Variants in RABGAP1L observed in about 807,000 individuals in gnomAD.
The protein encoded by RABGAP1L is rab GTPase-activating protein 1-like.
RABGAP1L carries 63 observed loss-of-function variants against 137.7 expected under a neutral mutation model. The ratio of observed to expected loss-of-function variants is 0.46; its 90% CI spans 0.37 to 0.56. The LOEUF is 0.56. RABGAP1L is among the 20% of genes least tolerant of loss of function. The probability of loss-of-function intolerance (pLI) is 0.00; values close to 1 mark genes in which losing one functional copy is unlikely to be tolerated. For synonymous variants in RABGAP1L, 431 were observed against 433.7 expected, an observed-to-expected ratio of 0.99 and a Z score of 0.08; for missense variants, 1,095 against 1,244.0, an observed-to-expected ratio of 0.88 and a Z score of 1.80.
intron 15 of RABGAP1L, among the ~76,000 whole-genome samples, chr1:174,688,347 A>G (rs1481807750): frequency 1.3e-5 from 2 of 152,050 alleles, no homozygotes. Flanking sequence ...TCAGAAGTTT[A>G]TGTTCATTTT....
chr1:174,750,462 C>A lies in RABGAP1L; in HGVS notation c.2170-1851C>A, dbSNP rs114729664. Among the ~76,000 whole-genome samples the A allele has an allele frequency of 8.3e-3, 1,259 of 152,220 alleles. 19 individuals carry two copies. The highest frequency in any genetic ancestry group is 0.029 in the African/African-American group (1,208 of 41,524). Reference sequence around the variant, plus strand: ...TTCACAGGTATAATATTGGGCTAGTCACATTCATACTCTAAGAAATGAGAA... The same window carrying A: ...TTCACAGGTATAATATTGGGCTAGTAACATTCATACTCTAAGAAATGAGAA... On this transcript the variant is annotated intron_variant, in intron 17 of 25. Transcript: ENST00000681986.
At chr1:174,308,953 A>G (rs1678558711) in intron 11 of RABGAP1L, among the ~76,000 whole-genome samples, 1 of 151,736 alleles carries the variant, frequency 6.6e-6, no homozygotes, top group Admixed American at 6.6e-5. Flanking sequence ...TGATCTGTAG[A>G]TTTCTTTGAG....
At chr1:174,784,004 T>A (rs1388531404) in intron 18 of RABGAP1L, among the ~76,000 whole-genome samples, 2 of 141,854 alleles carry the variant, frequency 1.4e-5, no homozygotes, top group Admixed American at 1.5e-4. Context: ...TTTTTCTTCT[T>A]CTTCTTCTTT....
intron 23 of RABGAP1L, among the ~76,000 whole-genome samples, chr1:174,980,947 A>G (rs1171786889): frequency 2.0e-5 from 3 of 151,520 alleles, no homozygotes; most frequent in Non-Finnish European, 2.9e-5. Flanking sequence ...CTTGAAGGTG[A>G]TCTGAGATGC....
At chr1:174,353,088 T>G (rs1683333876) in intron 11 of RABGAP1L, among the ~76,000 whole-genome samples, 1 of 152,174 alleles carries the variant, frequency 6.6e-6, no homozygotes. Flanking sequence ...TGGCTACTGC[T>G]GATGTTTATT....
At chr1:174,735,329 C>T (rs1057122787) in intron 17 of RABGAP1L, among the ~76,000 whole-genome samples, 4 of 151,780 alleles carry the variant, frequency 2.6e-5, no homozygotes, top group Non-Finnish European at 5.9e-5. Context: ...AGGCTGGAAG[C>T]TTCTCCCTTG....
At chr1:174,620,949 G>T (rs1202884499) in intron 13 of RABGAP1L, among the ~76,000 whole-genome samples, 6 of 151,760 alleles carry the variant, frequency 4.0e-5, no homozygotes, top group Admixed American at 1.3e-4. Flanking sequence ...ATGATAAAGG[G>T]GATATCACCA....
intron 18 of RABGAP1L, among the ~76,000 whole-genome samples, chr1:174,784,267 C>G (rs1687286633): frequency 6.6e-6 from 1 of 152,038 alleles, no homozygotes; most frequent in South Asian, 2.1e-4. Context: ...GATCCGCCCA[C>G]CTCGGCTCCC....
At chr1:174,615,846 A>T (rs1228835133) in intron 13 of RABGAP1L, among the ~76,000 whole-genome samples, 6 of 152,170 alleles carry the variant, frequency 3.9e-5, no homozygotes, top group Non-Finnish European at 1.5e-5. Context: ...TGTGCTAGCA[A>T]TCAGCGAGAC....
chr1:174,862,955 C>G (rs1650498535), intron 19 of RABGAP1L, among the ~76,000 whole-genome samples: 3 of 151,396 alleles, frequency 2.0e-5, no homozygotes, highest in African/African-American at 7.3e-5. Flanking sequence ...AGTGCAGTAG[C>G]TCGATCTTGG....
rs1280951013 is a variant in RABGAP1L, at chr1:174,991,422, C to G, written c.*1421C>G. On this transcript the variant is annotated 3_prime_UTR_variant, in exon 26 of 26. Transcript: ENST00000681986. ...AGTGCCAGAATGATTCTCATCTGTG[C>G]CATATTTTGCAATTAAAAGTAACAC... The G allele has an allele frequency of 2.6e-5, 4 of 152,228 alleles. No individual in the cohort carries two copies. In the East Asian group the frequency reaches 7.7e-4, roughly 29 times the overall value. 9.4% of individuals were successfully genotyped at this position (152,228 alleles called of 1,614,324 possible). A position where few individuals can be genotyped will look rare whatever the true frequency, so the allele number is the denominator to read the frequency against.
At chr1:174,294,125 A>G (rs139748887) in intron 10 of RABGAP1L, among the ~76,000 whole-genome samples, 15 of 152,334 alleles carry the variant, frequency 9.8e-5, no homozygotes, top group African/African-American at 3.4e-4. Context: ...GTGAATAAAT[A>G]CTAATTCATT....
chr1:174,565,526 G>A (rs559289529), intron 13 of RABGAP1L, among the ~76,000 whole-genome samples: 1 of 151,860 alleles, frequency 6.6e-6, no homozygotes. Context: ...GCTTATCTTG[G>A]CTTCTACTTT....
At chr1:174,794,040 G>A (rs978292124) in intron 18 of RABGAP1L, among the ~76,000 whole-genome samples, 1 of 151,946 alleles carries the variant, frequency 6.6e-6, no homozygotes, top group African/African-American at 2.4e-5. Flanking sequence ...ATTTGTGCAG[G>A]ATTTTACACT....
chr1:174,970,483 T>C (rs976263381), intron 21 of RABGAP1L, among the ~76,000 whole-genome samples: 3 of 152,212 alleles, frequency 2.0e-5, no homozygotes, highest in Non-Finnish European at 4.4e-5. Context: ...TAAGGAGAGT[T>C]TCAAAGTTGT....
intron 11 of RABGAP1L, among the ~76,000 whole-genome samples, chr1:174,351,069 GGGGGGAGGGGGAGGGGGA>G (rs1167896547): frequency 1.9e-4 from 18 of 96,394 alleles, no homozygotes; most frequent in South Asian, 4.2e-4. Context: ...GGGAGACCGT[GGGGGGAGGGGGAGGGGGA>G]GGGGGAGGGG....
At chr1:174,691,674 T>C (rs1237008204) in intron 15 of RABGAP1L, among the ~76,000 whole-genome samples, 1 of 152,182 alleles carries the variant, frequency 6.6e-6, no homozygotes, top group African/African-American at 2.4e-5. Context: ...AGACCCACCA[T>C]ATTCCAACAC....
chr1:174,988,604 A>G, intron 24 of RABGAP1L, 37 bp from the exon 25 acceptor site: 1 of 1,441,928 alleles, frequency 6.9e-7, no homozygotes, highest in Non-Finnish European at 9.2e-7. Flanking sequence ...AGCCTATGGA[A>G]TAGTTTGATG....
intron 20 of RABGAP1L, among the ~76,000 whole-genome samples, chr1:174,967,887 T>G (rs1669777805): frequency 6.6e-6 from 1 of 151,084 alleles, no homozygotes; most frequent in Non-Finnish European, 1.5e-5. Flanking sequence ...GATATGTTTT[T>G]CAATAATGTT....
Sources: allele counts gnomAD v4.1 joint callset (sites outside exome capture counted in the v4.1 genomes callset), GRCh38; gene constraint gnomAD v4.1.1; transcripts MANE v1.5; gene names NCBI Gene and HGNC (gene_info 2026-07-23, HGNC 2026-07-21).